Variants in FAM13A observed in about 807,000 individuals in gnomAD.
The protein encoded by FAM13A is family with sequence similarity 13 member A.
A neutral mutation model predicts 129.6 loss-of-function variants in FAM13A; 76 were observed. The ratio of observed to expected loss-of-function variants is 0.59; its 90% CI spans 0.49 to 0.71. The LOEUF (loss-of-function observed/expected upper bound fraction) is 0.71, where lower values mean the gene tolerates loss of function less well. Ranked by LOEUF, FAM13A falls within the 30% of genes least tolerant of loss-of-function variation. FAM13A has a pLI of 0.00. For synonymous variants in FAM13A, 443 were observed against 449.9 expected (o/e 0.98, Z 0.20); for missense variants, 1,108 against 1,249.3 (o/e 0.89, Z 1.70).
intron 7 of FAM13A, among the ~76,000 whole-genome samples, chr4:88,831,700 C>T (rs984327894): frequency 6.6e-6 from 1 of 152,014 alleles, no homozygotes; most frequent in East Asian, 1.9e-4. Flanking sequence ...AAATGAAGGA[C>T]CTCTTCAAGG....
At chr4:88,904,996 TA>T (rs1183968561) in intron 6 of FAM13A, among the ~76,000 whole-genome samples, 2 of 152,120 alleles carry the variant, frequency 1.3e-5, no homozygotes, top group Non-Finnish European at 2.9e-5. Flanking sequence ...GATTTTTATT[TA>T]AAAAAATTAC....
intron 1 of FAM13A, among the ~76,000 whole-genome samples, chr4:89,037,676 C>T (rs1461290413): frequency 2.6e-5 from 4 of 152,130 alleles, no homozygotes; most frequent in African/African-American, 9.7e-5. Flanking sequence ...TGAGTCACCA[C>T]CCATGTCTCA....
intron 3 of FAM13A, among the ~76,000 whole-genome samples, chr4:89,015,870 G>A (rs530190761): frequency 6.6e-6 from 1 of 152,056 alleles, no homozygotes; most frequent in East Asian, 1.9e-4. Context: ...ACATATATAT[G>A]TGTATGTTAA....
intron 4 of FAM13A, among the ~76,000 whole-genome samples, chr4:88,969,479 G>T (rs559465680): frequency 6.6e-6 from 1 of 152,168 alleles, no homozygotes; most frequent in South Asian, 2.1e-4. Flanking sequence ...CAGGTAGAAG[G>T]TCAGGATGGG....
intron 4 of FAM13A, among the ~76,000 whole-genome samples, chr4:88,952,817 G>A (rs927538071): frequency 2.0e-5 from 3 of 151,910 alleles, no homozygotes; most frequent in Admixed American, 6.6e-5. Context: ...GTGTGTTGAC[G>A]CACATCTGTA....
chr4:88,875,906 G>C (rs1432231040), intron 6 of FAM13A, among the ~76,000 whole-genome samples: 2 of 152,154 alleles, frequency 1.3e-5, no homozygotes, highest in Non-Finnish European at 2.9e-5. Context: ...GTCCAACAAT[G>C]ATAGACTGGA....
chr4:89,027,588 C>T (rs888243465), intron 2 of FAM13A, among the ~76,000 whole-genome samples: 1 of 151,676 alleles, frequency 6.6e-6, no homozygotes, highest in Non-Finnish European at 1.5e-5. Context: ...CCTCAGCATA[C>T]AATTTTTTTT....
chr4:89,027,350 T>G (rs79444835), intron 2 of FAM13A, among the ~76,000 whole-genome samples: 7,372 of 152,034 alleles, frequency 0.048, 283 homozygotes, highest in South Asian at 0.22. Flanking sequence ...CTAAAAAAAT[T>G]TTTTTTAATT....
intron 6 of FAM13A, among the ~76,000 whole-genome samples, chr4:88,856,727 T>C (rs988777348): frequency 5.3e-5 from 8 of 152,130 alleles, no homozygotes; most frequent in South Asian, 2.1e-4. Context: ...AGTTAACCAG[T>C]CCTCCTCATT....
chr4:89,054,749 C>A (rs554222652), intron 1 of FAM13A, among the ~76,000 whole-genome samples: 1 of 152,194 alleles, frequency 6.6e-6, no homozygotes, highest in African/African-American at 2.4e-5. Context: ...TCCACACTGA[C>A]TTTTCATCTA....
chr4:88,866,631 C>T (rs893508196), intron 6 of FAM13A, among the ~76,000 whole-genome samples: 3 of 152,108 alleles, frequency 2.0e-5, no homozygotes, highest in Non-Finnish European at 4.4e-5. Flanking sequence ...TCCTCAATTC[C>T]AATGGAAATC....
chr4:89,033,185 T>C (rs1254314713), intron 1 of FAM13A, among the ~76,000 whole-genome samples: 1 of 151,260 alleles, frequency 6.6e-6, no homozygotes, highest in Non-Finnish European at 1.5e-5. Context: ...TAGAAAAAAA[T>C]TAAAATTATC....
intron 3 of FAM13A, among the ~76,000 whole-genome samples, chr4:89,013,914 G>T (rs1002843413): frequency 4.6e-5 from 7 of 152,126 alleles, no homozygotes; most frequent in Non-Finnish European, 7.3e-5. Flanking sequence ...AGTTTTCTCT[G>T]GGTACAAAGA....
intron 3 of FAM13A, among the ~76,000 whole-genome samples, chr4:88,996,959 A>C (rs962079023): frequency 6.6e-6 from 1 of 152,228 alleles, no homozygotes; most frequent in Admixed American, 6.5e-5. Flanking sequence ...TATTTTAAAG[A>C]AATGTGGAAT....
chr4:89,019,694 G>A (rs1405753765), intron 3 of FAM13A, among the ~76,000 whole-genome samples: 1 of 142,904 alleles, frequency 7.0e-6, no homozygotes, highest in Non-Finnish European at 1.5e-5. Flanking sequence ...CCAGGAGGCA[G>A]AAGTTGCAGT....
intron 3 of FAM13A, among the ~76,000 whole-genome samples, chr4:89,004,795 G>T (rs994233029): frequency 1.3e-5 from 2 of 152,048 alleles, no homozygotes; most frequent in African/African-American, 2.4e-5. Flanking sequence ...CATTGGGAAG[G>T]GAGATTACAT....
chr4:89,018,402 C>G (rs887738293), intron 3 of FAM13A, among the ~76,000 whole-genome samples: 18 of 152,156 alleles, frequency 1.2e-4, no homozygotes, highest in Non-Finnish European at 2.6e-4. Context: ...CTTGCAGCCT[C>G]CAGGACTGTG....
intron 1 of FAM13A, among the ~76,000 whole-genome samples, chr4:89,030,717 T>C (rs968090479): frequency 2.0e-5 from 3 of 152,194 alleles, no homozygotes; most frequent in Non-Finnish European, 2.9e-5. Flanking sequence ...CAGTTTCATC[T>C]TGCTCTAGGT....
intron 4 of FAM13A, among the ~76,000 whole-genome samples, chr4:88,985,096 A>G (rs1415127456): frequency 6.6e-6 from 1 of 152,192 alleles, no homozygotes; most frequent in Non-Finnish European, 1.5e-5. Context: ...ACACTGAAAT[A>G]TTATTCTGCC....
Sources: allele counts gnomAD v4.1 joint callset (sites outside exome capture counted in the v4.1 genomes callset), GRCh38; gene constraint gnomAD v4.1.1; transcripts MANE v1.5; gene names NCBI Gene and HGNC (gene_info 2026-07-23, HGNC 2026-07-21).